Variants in USP50 observed in about 807,000 individuals in gnomAD.
The protein encoded by USP50 is ubiquitin specific peptidase 50, also known as ubiquitin carboxyl-terminal hydrolase 50.
Under a neutral mutation model 39.2 loss-of-function variants are expected in USP50, and 37 were observed. The observed-to-expected ratio is 0.94, with a 90% CI of 0.73 to 1.24. USP50 has a LOEUF of 1.24. Ranked by LOEUF, USP50 falls within the 50% of genes most tolerant of loss-of-function variation. The pLI is 0.00. For synonymous variants in USP50, 139 were observed against 144.5 expected, an observed-to-expected ratio of 0.96 and a Z score of 0.27; for missense variants, 374 against 398.2, an observed-to-expected ratio of 0.94 and a Z score of 0.52.
chr15:50,528,419 A>C (rs1480304199), intron 6 of USP50, among the ~76,000 whole-genome samples: 2 of 152,126 alleles, frequency 1.3e-5, no homozygotes, highest in South Asian at 2.1e-4. Context: ...TGGAATTATT[A>C]ATACAAGAGG....
At chr15:50,528,065 GTTTTTTTTT>G (rs57802702) in intron 6 of USP50, among the ~76,000 whole-genome samples, 1 of 128,710 alleles carries the variant, frequency 7.8e-6, no homozygotes, top group Non-Finnish European at 1.6e-5. Context: ...AAAGAACTAA[GTTTTTTTTT>G]TTTTTTTTTT....
At chr15:50,519,195 G>T (rs962926465) in intron 6 of USP50, among the ~76,000 whole-genome samples, 1 of 152,130 alleles carries the variant, frequency 6.6e-6, no homozygotes, top group Non-Finnish European at 1.5e-5. Flanking sequence ...GTTGAGGTGG[G>T]AGAATCCCTT....
At chr15:50,539,113 G>GT (rs58459024) in intron 4 of USP50, among the ~76,000 whole-genome samples, 40,836 of 136,866 alleles carry the variant, frequency 0.3, 6,409 homozygotes, top group East Asian at 0.55. Context: ...TTTTGGTTTT[G>GT]TTTTTTTTTT....
chr15:50,531,709 G>A (rs979028384), intron 5 of USP50, among the ~76,000 whole-genome samples: 7 of 152,142 alleles, frequency 4.6e-5, no homozygotes, highest in Non-Finnish European at 8.8e-5. Flanking sequence ...GGGGCCCCAG[G>A]AGCTGACTTG....
chr15:50,533,312 G>C (rs1235047063), intron 5 of USP50, among the ~76,000 whole-genome samples: 2 of 151,580 alleles, frequency 1.3e-5, no homozygotes, highest in East Asian at 1.9e-4. Context: ...AATAATGACT[G>C]AGAATTTTCC....
chr15:50,538,079 T>G (rs1206577940), intron 5 of USP50, among the ~76,000 whole-genome samples: 1 of 150,594 alleles, frequency 6.6e-6, no homozygotes, highest in Admixed American at 6.6e-5. Flanking sequence ...GATCAGACCA[T>G]CGTGGCCAAC....
Position 50,546,512 on chromosome 15 carries a change from G to T in USP50, c.14C>A (p.Pro5Gln). MTSQ[P>Q]SLPADDFDIY... ...ATCGAAGTCATCTGCAGGGAGAGAC[G>T]GCTGAGAAGTCATTTTAATGGAACC... is the stretch of plus-strand genomic sequence containing the variant. Residue 5 changes from proline to glutamine, a missense_variant, in exon 1 of 7, where the codon CCG (proline) becomes CAG (glutamine). By Grantham distance (76) the Pro-to-Gln change is moderately conservative. Transcript: ENST00000532404. 6.2e-7 allele frequency: 1 copy of T among 1,613,646 alleles called. No individual in the cohort carries two copies. The highest frequency in any genetic ancestry group is 8.5e-7 in the Non-Finnish European group (1 of 1,179,648).
At chr15:50,543,203 ATATGT>A (rs1300093071) in intron 3 of USP50, among the ~76,000 whole-genome samples, 1 of 152,272 alleles carries the variant, frequency 6.6e-6, no homozygotes, top group East Asian at 1.9e-4. Flanking sequence ...ATAAAGTTCT[ATATGT>A]TATTTCTCAT....
intron 6 of USP50, chr15:50,508,870 C>G (rs1441928832): frequency 6.6e-6 from 1 of 151,326 alleles, no homozygotes; most frequent in East Asian, 1.9e-4. Context: ...CGCGGTGGCT[C>G]ACGCCTGTAA....
chr15:50,525,342 G>T (rs2052879757), intron 6 of USP50, among the ~76,000 whole-genome samples: 1 of 151,950 alleles, frequency 6.6e-6, no homozygotes, highest in Admixed American at 6.6e-5. Context: ...TTGCGTGGCA[G>T]AGTGGCTATC....
chr15:50,499,164 G>A (rs1475947837), downstream of USP50: 9 of 1,422,770 alleles, frequency 6.3e-6, no homozygotes, highest in Non-Finnish European at 7.5e-6. Flanking sequence ...TCAGGATAAT[G>A]GTAGCTATAG....
At chr15:50,542,211 G>A (rs1363498663) in intron 3 of USP50, among the ~76,000 whole-genome samples, 1 of 152,094 alleles carries the variant, frequency 6.6e-6, no homozygotes, top group East Asian at 1.9e-4. Context: ...TATACATTTT[G>A]AAGATGTGTT....
chr15:50,507,180 A>T (rs990405229), intron 6 of USP50: 2 of 150,684 alleles, frequency 1.3e-5, no homozygotes, highest in Non-Finnish European at 2.9e-5. Context: ...CTACTTGGGA[A>T]GCTGAGGCAG....
At chr15:50,499,007 C>T (rs1213084336), downstream of USP50, 16 of 1,613,908 alleles carry the variant, frequency 9.9e-6, no homozygotes, top group Non-Finnish European at 1.3e-5. Flanking sequence ...CTGATATCTC[C>T]GTTTCTTCTG....
chr15:50,541,010 T>C (rs2053024254), intron 4 of USP50, 39 bp downstream of exon 4: 2 of 1,507,452 alleles, frequency 1.3e-6, no homozygotes, highest in African/African-American at 2.8e-5. Flanking sequence ...GGGCTGAGAG[T>C]ATAGCGAGAC....
intron 4 of USP50, among the ~76,000 whole-genome samples, chr15:50,540,071 A>C (rs1425846369): frequency 1.3e-5 from 2 of 152,266 alleles, no homozygotes; most frequent in Non-Finnish European, 2.9e-5. Flanking sequence ...CAATTCTGGT[A>C]GGTAAAACTT....
Position 50,544,739 on chromosome 15 carries a change from C to G in USP50, c.96G>C (p.Glu32Asp), listed in dbSNP as rs755532007. The change falls in exon 2 of 7, where the codon GAG becomes GAC. Residue 32 changes from glutamate (E) to aspartate (D), a missense_variant. Transcript: ENST00000532404. ...GAAAATGGGGCTGGTTCCCATCAGC[C>G]TCCTTAACTGGAAGGGTATCATAGT... is the stretch of plus-strand genomic sequence containing the variant. ...TDYYDTLPVK[E>D]ADGNQPHFQG... The G allele has an allele frequency of 7.4e-6, 12 of 1,613,874 alleles. No homozygotes were observed. The highest frequency in any genetic ancestry group is 1.0e-5 in the Non-Finnish European group (12 of 1,179,898).
At chr15:50,499,764 A>ATGAG (rs1384970500), downstream of USP50, 3 of 152,148 alleles carry the variant, frequency 2.0e-5, no homozygotes, top group Non-Finnish European at 4.4e-5. Flanking sequence ...TAAAATCTTA[A>ATGAG]TGAGAAAAAT....
At chr15:50,498,553 G>T, downstream of USP50, 3 of 1,549,738 alleles carry the variant, frequency 1.9e-6, no homozygotes, top group South Asian at 1.2e-5. Context: ...ATTCATCCTG[G>T]TATCTTCCTC....
Sources: allele counts gnomAD v4.1 joint callset (sites outside exome capture counted in the v4.1 genomes callset), GRCh38; gene constraint gnomAD v4.1.1; transcripts MANE v1.5; gene names NCBI Gene and HGNC (gene_info 2026-07-23, HGNC 2026-07-21).